The following CERS3 variants were observed in gnomAD, a reference collection of about 807,000 sequenced individuals.
The protein encoded by CERS3 is LAG1 homolog, ceramide synthase 3.
In CERS3, 33 loss-of-function variants were observed where a neutral mutation model predicts 50.3. That is an observed-to-expected ratio of 0.66 (90% CI 0.50 to 0.88). The LOEUF is 0.88. CERS3 is among the 40% of genes least tolerant of loss of function. CERS3 has a pLI of 0.00. For synonymous variants in CERS3, 176 were observed against 155.2 expected, an observed-to-expected ratio of 1.13 and a Z score of -0.99; for missense variants, 470 against 460.3, an observed-to-expected ratio of 1.02 and a Z score of -0.19.
At chr15:100,467,721 T>C (rs2034793078) in intron 10 of CERS3, among the ~76,000 whole-genome samples, 1 of 149,268 alleles carries the variant, frequency 6.7e-6, no homozygotes, top group African/African-American at 2.5e-5. Context: ...CAAGTCAATA[T>C]TATTCTATCA....
At chr15:100,490,394 A>C (rs1444586852) in intron 4 of CERS3, among the ~76,000 whole-genome samples, 1 of 152,186 alleles carries the variant, frequency 6.6e-6, no homozygotes, top group African/African-American at 2.4e-5. Context: ...AAGCGACCCC[A>C]ATGAACATTT....
intron 11 of CERS3, chr15:100,438,002 A>G (rs1482421999): frequency 6.7e-6 from 1 of 149,046 alleles, no homozygotes; most frequent in Non-Finnish European, 1.5e-5. Context: ...TTAATCTATG[A>G]TCTTGATTAC....
chr15:100,542,362 G>C (rs1359964984), intron 1 of CERS3, among the ~76,000 whole-genome samples: 1 of 152,234 alleles, frequency 6.6e-6, no homozygotes, highest in East Asian at 1.9e-4. Flanking sequence ...CATGGCAACA[G>C]TAGAAGTAAT....
At chr15:100,498,532 G>C (rs1460309314) in intron 3 of CERS3, among the ~76,000 whole-genome samples, 1 of 152,052 alleles carries the variant, frequency 6.6e-6, no homozygotes, top group African/African-American at 2.4e-5. Context: ...ATGAACATCT[G>C]CTCCCATGTA....
chr15:100,468,107 G>C (rs2034844497), intron 10 of CERS3, among the ~76,000 whole-genome samples: 1 of 151,928 alleles, frequency 6.6e-6, no homozygotes, highest in South Asian at 2.1e-4. Context: ...AAATATCTGA[G>C]ACATTTATCT....
chr15:100,484,455 C>T (rs770490624), intron 5 of CERS3, 95 bp downstream of exon 5: 60 of 863,984 alleles, frequency 6.9e-5, no homozygotes, highest in Non-Finnish European at 1.1e-4. Context: ...GGGTCTGAAC[C>T]CTCCCTCTGC....
intron 11 of CERS3, among the ~76,000 whole-genome samples, chr15:100,436,516 A>T (rs1358409202): frequency 6.6e-6 from 1 of 152,148 alleles, no homozygotes; most frequent in Non-Finnish European, 1.5e-5. Flanking sequence ...CAAATACCTA[A>T]TGCATGCAAG....
At chr15:100,412,328 T>C (rs892964802) in intron 11 of CERS3, among the ~76,000 whole-genome samples, 1 of 152,168 alleles carries the variant, frequency 6.6e-6, no homozygotes, top group Non-Finnish European at 1.5e-5. Flanking sequence ...AGACTCCCCA[T>C]TGAATGGTCT....
At chr15:100,477,521 C>T (rs1400911189) in intron 7 of CERS3, among the ~76,000 whole-genome samples, 1 of 152,028 alleles carries the variant, frequency 6.6e-6, no homozygotes, top group Non-Finnish European at 1.5e-5. Context: ...GCATCCAGAA[C>T]CTGTGGAGTC....
In CERS3 at chr15:100,510,026, C is replaced by CAAA. The variant is rs10693093; in HGVS notation, c.-1-8179_-1-8177dup. 9.2e-3 allele frequency among the ~76,000 whole-genome samples: 1,327 copies of CAAA among 144,832 alleles called. 16 individuals are homozygous for CAAA. Among genetic ancestry groups the CAAA allele is most frequent in the African/African-American group, 9.3e-3 (369 of 39,522 alleles). ...TTGGAACCAGCTCTACAAACCCAGC[C>CAAA]AAAAAAAAAAAAATAGTATGTCTTT... is the stretch of plus-strand genomic sequence containing the variant. On this transcript the variant is annotated intron_variant, in intron 2 of 11. Coordinates refer to ENST00000679737, the MANE Select transcript of CERS3 (RefSeq NM_001378789.1).
At chr15:100,494,167 T>C (rs1252582735) in intron 3 of CERS3, among the ~76,000 whole-genome samples, 2 of 147,908 alleles carry the variant, frequency 1.4e-5, no homozygotes, top group Non-Finnish European at 3.0e-5. Flanking sequence ...GTTTTTGCTA[T>C]TTGTCATTGT....
rs570598494 is a variant in CERS3 at position 100,459,303 on chromosome 15, A to AT, written c.846-3258dup. Among the ~76,000 whole-genome samples the AT allele has an allele frequency of 6.1e-3, 918 of 150,032 alleles. 12 individuals carry two copies. Among genetic ancestry groups the AT allele is most frequent in the African/African-American group, 0.02 (807 of 41,008 alleles). ...TACTGTGAGAATTACTTGTAAATAC[A>AT]TTTTTTTTTTGAGACATGGTCTCGC... On this transcript the variant is annotated intron_variant, in intron 10 of 11. Transcript: ENST00000679737.
At chr15:100,462,086 G>A (rs565289975) in intron 10 of CERS3, among the ~76,000 whole-genome samples, 6 of 152,162 alleles carry the variant, frequency 3.9e-5, no homozygotes, top group South Asian at 2.1e-4. Context: ...GCACATTATC[G>A]CTAGTCACCA....
At chr15:100,445,504 C>T in intron 11 of CERS3, among the ~76,000 whole-genome samples, 1 of 152,108 alleles carries the variant, frequency 6.6e-6, no homozygotes, top group Non-Finnish European at 1.5e-5. Flanking sequence ...CTGTTTTTCT[C>T]CTTCTCTTAT....
At chr15:100,446,237 A>G (rs2033933078) in intron 11 of CERS3, among the ~76,000 whole-genome samples, 1 of 152,078 alleles carries the variant, frequency 6.6e-6, no homozygotes, top group South Asian at 2.1e-4. Flanking sequence ...AAAGCTATTT[A>G]GAACTTTAAT....
chr15:100,402,612 A>T lies in CERS3; in HGVS notation c.*101T>A. On this transcript the variant is annotated 3_prime_UTR_variant, in exon 12 of 12. Coordinates refer to ENST00000679737, the MANE Select transcript of CERS3 (RefSeq NM_001378789.1). ...GGTGGGAGGGAAGGCGGTGGTGAGA[A>T]AGAGGGAAGGGCAGAATGTGGGGTC... The T allele has an allele frequency of 8.4e-7, 1 of 1,190,146 alleles. No homozygotes were observed. The highest frequency in any genetic ancestry group is 1.2e-6 in the Non-Finnish European group (1 of 848,962). 73.7% of individuals were successfully genotyped at this position (1,190,146 alleles called of 1,614,324 possible).
At chr15:100,423,318 C>T (rs548249955) in intron 11 of CERS3, among the ~76,000 whole-genome samples, 3 of 152,266 alleles carry the variant, frequency 2.0e-5, no homozygotes, top group Middle Eastern at 6.8e-3. Flanking sequence ...CATATGCACT[C>T]ATATGTTCAT....
intron 2 of CERS3, among the ~76,000 whole-genome samples, chr15:100,519,628 C>T (rs1257746963): frequency 4.6e-5 from 7 of 152,242 alleles, no homozygotes; most frequent in African/African-American, 1.4e-4. Flanking sequence ...CTTCCCTGCC[C>T]AGTGAAGCTG....
chr15:100,432,614 A>T (rs750319446), intron 11 of CERS3, among the ~76,000 whole-genome samples: 1 of 152,222 alleles, frequency 6.6e-6, no homozygotes, highest in Non-Finnish European at 1.5e-5. Flanking sequence ...CACATCTAGA[A>T]AACTGTGCTG....
Sources: allele counts gnomAD v4.1 joint callset (sites outside exome capture counted in the v4.1 genomes callset), GRCh38; gene constraint gnomAD v4.1.1; transcripts MANE v1.5; gene names NCBI Gene and HGNC (gene_info 2026-07-23, HGNC 2026-07-21).